DOCK10: variants seen among roughly 807,000 people sequenced by gnomAD.
The protein encoded by DOCK10 is dedicator of cytokinesis 10.
DOCK10 carries 145 observed loss-of-function variants against 280.1 expected under a neutral mutation model. That is an observed-to-expected ratio of 0.52 (90% CI 0.45 to 0.59). The LOEUF (loss-of-function observed/expected upper bound fraction) is 0.59, where lower values mean the gene tolerates loss of function less well. Ranked by LOEUF, DOCK10 falls within the 20% of genes least tolerant of loss-of-function variation. The pLI, the probability that DOCK10 is intolerant of heterozygous loss-of-function variation, is 0.00. For synonymous variants in DOCK10, 915 were observed against 942.2 expected, an observed-to-expected ratio of 0.97 and a Z score of 0.53; for missense variants, 2,368 against 2,651.7, an observed-to-expected ratio of 0.89 and a Z score of 2.35.
At chr2:224,984,956 C>T (rs1434724620) in intron 1 of DOCK10, among the ~76,000 whole-genome samples, 2 of 151,792 alleles carry the variant, frequency 1.3e-5, no homozygotes, top group Non-Finnish European at 2.9e-5. Flanking sequence ...ATTCTCGTGC[C>T]TCAGCCTCCT....
intron 11 of DOCK10, among the ~76,000 whole-genome samples, chr2:224,870,662 G>C (rs1358960674): frequency 6.6e-6 from 1 of 151,698 alleles, no homozygotes; most frequent in East Asian, 1.9e-4. Context: ...AGTCTTCTTT[G>C]GTCACTTCTC....
At chr2:224,896,599 C>T (rs1700001720) in intron 3 of DOCK10, among the ~76,000 whole-genome samples, 1 of 152,086 alleles carries the variant, frequency 6.6e-6, no homozygotes, top group African/African-American at 2.4e-5. Flanking sequence ...TGCCTGTAAT[C>T]CCACCTACTC....
intron 1 of DOCK10, among the ~76,000 whole-genome samples, chr2:224,935,967 A>G (rs1408844934): frequency 6.6e-6 from 1 of 152,224 alleles, no homozygotes; most frequent in East Asian, 1.9e-4. Context: ...TGGAGAAAAT[A>G]TAGTCACCCT....
intron 41 of DOCK10, among the ~76,000 whole-genome samples, chr2:224,799,169 C>T (rs1354442649): frequency 1.3e-5 from 2 of 152,170 alleles, no homozygotes; most frequent in East Asian, 3.8e-4. Context: ...TTCCTTCCTC[C>T]CATCCTTCCT....
rs573860019 is a variant in DOCK10 at position 225,021,891 on chromosome 2, T to C, written c.123+20361A>G. Among the ~76,000 whole-genome samples, 8 of 152,318 alleles carry C rather than the reference T, an allele frequency of 5.3e-5. No individual in the cohort carries two copies. The South Asian group carries it at 1.7e-3, about 32-fold the overall frequency. ...GCACTTGGCAGTTTAAATTTCACCA[T>C]ATAACTAAGATGGGACCCATACATT... On this transcript the variant is annotated intron_variant, in intron 1 of 55. Transcript: ENST00000258390.
At chr2:224,988,111 T>A (rs1706020463) in intron 1 of DOCK10, among the ~76,000 whole-genome samples, 1 of 152,142 alleles carries the variant, frequency 6.6e-6, no homozygotes, top group Non-Finnish European at 1.5e-5. Flanking sequence ...AACAGAGGCT[T>A]GGTCTCTTCC....
chr2:224,933,855 C>T (rs1484548232), intron 1 of DOCK10, among the ~76,000 whole-genome samples: 4 of 152,142 alleles, frequency 2.6e-5, no homozygotes, highest in Non-Finnish European at 5.9e-5. Flanking sequence ...CTTCTATAAT[C>T]GGGTTCTCAC....
intron 55 of DOCK10, among the ~76,000 whole-genome samples, chr2:224,769,329 A>T (rs1690265133): frequency 6.6e-6 from 1 of 152,276 alleles, no homozygotes; most frequent in African/African-American, 2.4e-5. Flanking sequence ...AAACAGATTC[A>T]TACAACACAC....
intron 1 of DOCK10, among the ~76,000 whole-genome samples, chr2:224,976,324 C>A (rs1287125714): frequency 1.3e-5 from 2 of 152,216 alleles, no homozygotes; most frequent in East Asian, 3.9e-4. Flanking sequence ...ATAGGTGCAG[C>A]AAACCACCAT....
intron 23 of DOCK10, among the ~76,000 whole-genome samples, chr2:224,840,650 C>T (rs1228865436): frequency 1.3e-5 from 2 of 152,226 alleles, no homozygotes; most frequent in Middle Eastern, 3.4e-3. Context: ...GGAACACTTG[C>T]ACATTGCTGG....
chr2:224,863,491 C>T (rs1221392933), intron 13 of DOCK10, among the ~76,000 whole-genome samples: 3 of 152,010 alleles, frequency 2.0e-5, no homozygotes, highest in African/African-American at 7.3e-5. Context: ...CTCTGTCGCC[C>T]GCCCAGGCTG....
Position 224,988,156 on chromosome 2 carries a change from T to A in DOCK10, c.123+54096A>T, listed in dbSNP as rs116212347. ...TCCAGGATCAGCTTAAAGGTGATAC[T>A]GCCCTGGAAAAGCCTCCCCTAACGG... On this transcript the variant is annotated intron_variant, in intron 1 of 55. Coordinates refer to ENST00000258390, the MANE Select transcript of DOCK10 (RefSeq NM_014689.3). Among the ~76,000 whole-genome samples, 193 of 152,296 alleles carry A rather than the reference T, an allele frequency of 1.3e-3. 3 individuals are homozygous for A. Among genetic ancestry groups the A allele is most frequent in the African/African-American group, 4.4e-3 (184 of 41,580 alleles).
chr2:224,884,177 A>T (rs1327094097), intron 7 of DOCK10, among the ~76,000 whole-genome samples: 2 of 152,130 alleles, frequency 1.3e-5, no homozygotes, highest in African/African-American at 2.4e-5. Context: ...GAAACAGTTA[A>T]TTTTTTCCTT....
intron 29 of DOCK10, among the ~76,000 whole-genome samples, chr2:224,817,305 C>T (rs1291318274): frequency 6.6e-6 from 1 of 152,146 alleles, no homozygotes; most frequent in Non-Finnish European, 1.5e-5. Context: ...CAAAGTAACA[C>T]AGGAGTCAAG....
At chr2:224,835,809 T>C (rs1275750809) in intron 25 of DOCK10, among the ~76,000 whole-genome samples, 1 of 152,270 alleles carries the variant, frequency 6.6e-6, no homozygotes, top group South Asian at 2.1e-4. Context: ...ATAAAATTGT[T>C]ATCAGCCTAA....
At chr2:224,797,996 A>G (rs1285270380) in intron 41 of DOCK10, 27 bp from the exon 42 acceptor site, 1 of 1,603,282 alleles carries the variant, frequency 6.2e-7, no homozygotes, top group East Asian at 2.2e-5. Flanking sequence ...GATGTTATTC[A>G]GGATAAGTGA....
chr2:224,930,137 G>GAGGT (rs1702257270), intron 2 of DOCK10, among the ~76,000 whole-genome samples: 1 of 150,984 alleles, frequency 6.6e-6, no homozygotes, highest in African/African-American at 2.4e-5. Context: ...GGAGGTGGAG[G>GAGGT]AGGTTGCAGT....
chr2:224,967,487 G>A lies in DOCK10; in HGVS notation c.124-35819C>T, dbSNP rs147236241. ...TTTTTGCCCAATGTCTTGGCATTGG[G>A]TAGGTCAACCCCAAAGTATGATTTT... On this transcript the variant is annotated intron_variant, in intron 1 of 55. Transcript: ENST00000258390. Among the ~76,000 whole-genome samples the A allele has an allele frequency of 2.0e-3, 301 of 152,230 alleles. 1 individual carries two copies. Among genetic ancestry groups the A allele is most frequent in the Non-Finnish European group, 2.2e-3 (148 of 68,016 alleles).
chr2:224,888,219 C>CTGTG (rs113299591), intron 4 of DOCK10, among the ~76,000 whole-genome samples: 1,768 of 140,166 alleles, frequency 0.013, 16 homozygotes, highest in African/African-American at 0.032. Context: ...TAATATAGGC[C>CTGTG]TGTGTGTGTG....
Sources: gnomAD v4.1 joint callset for allele counts (sites outside exome capture counted in the v4.1 genomes callset) on GRCh38, gnomAD v4.1.1 for gene constraint, MANE v1.5 for transcripts, NCBI Gene and HGNC (gene_info 2026-07-23, HGNC 2026-07-21) for gene names.